LPIN1: variants seen among roughly 807,000 people sequenced by gnomAD.
LPIN1 encodes phosphatidate phosphatase LPIN1.
In LPIN1, 71 loss-of-function variants were observed where a neutral mutation model predicts 107.5. The ratio of observed to expected loss-of-function variants is 0.66; its 90% confidence interval spans 0.55 to 0.80. The LOEUF (loss-of-function observed/expected upper bound fraction) is 0.80. LPIN1 is among the 30% of genes least tolerant of loss of function. The pLI is 0.00. For synonymous variants in LPIN1, 445 were observed against 452.6 expected (o/e 0.98, Z 0.21); for missense variants, 1,043 against 1,160.6 (o/e 0.90, Z 1.47).
chr2:11,740,440 C>T (rs77124199), intron 1 of LPIN1, among the ~76,000 whole-genome samples: 5,482 of 152,036 alleles, frequency 0.036, 327 homozygotes, highest in African/African-American at 0.12. Context: ...CCGCACTTTG[C>T]GAGGTCGAAG....
chr2:11,724,501 A>G (rs1327139967), exon 1 of LPIN1: 1 of 985,492 alleles, frequency 1.0e-6, no homozygotes, highest in Non-Finnish European at 1.2e-6. Flanking sequence ...TGAGAACTAG[A>G]AAATCAGAAG....
intron 11 of LPIN1, among the ~76,000 whole-genome samples, chr2:11,787,401 T>C (rs1001579442): frequency 4.3e-5 from 6 of 140,838 alleles, no homozygotes; most frequent in African/African-American, 1.3e-4. Context: ...TCTTTTTCTT[T>C]TTTTTTTTTT....
rs184677010 is a variant in LPIN1, at chr2:11,784,077, G to C, written c.1358+155G>C. ...CCCAGCACTTTGGGAGGCTGAGGTG[G>C]GCGGATCACTTGAGGTCAGGAGTTC... On this transcript the variant is annotated intron_variant, in intron 9 of 20. Transcript: ENST00000674199. The C allele has an allele frequency of 8.3e-4, 1,074 of 1,287,664 alleles. 4 individuals are homozygous for C. The African/African-American group carries it at 0.015, about 18-fold the overall frequency. The allele number at this position is 1,287,664 out of a possible 1,614,324, so 79.8% of individuals were successfully genotyped here. A position where few individuals can be genotyped will look rare whatever the true frequency, so the allele number is the denominator to read the frequency against.
At chr2:11,778,736 A>G (rs959257659) in intron 6 of LPIN1, among the ~76,000 whole-genome samples, 1 of 152,250 alleles carries the variant, frequency 6.6e-6, no homozygotes, top group Non-Finnish European at 1.5e-5. Flanking sequence ...GCTGCTGTAA[A>G]TAATATTTCT....
At position 11,803,025 on chromosome 2, in the gene LPIN1, G is replaced by A. The variant is rs181949396; in HGVS notation, c.2005G>A (p.Glu669Lys). The A allele has an allele frequency of 1.6e-5, 25 of 1,612,428 alleles. No individual in the cohort carries two copies. In the South Asian group the frequency reaches 1.9e-4, roughly 12 times the overall value. The change falls in exon 15 of 21, where the codon GAG becomes AAG. Residue 669 changes from glutamate (E) to lysine (K), a missense_variant. Physicochemically the swap from Glu to Lys is moderately conservative, Grantham distance 56. Coordinates refer to ENST00000674199, the MANE Select transcript of LPIN1 (RefSeq NM_001349206.2). The surrounding 1 kb of genome is among the most constrained non-coding windows in gnomAD (Gnocchi z 4.2). ...SYKKTLRLTSEQLKSLKLKNG... is the reference protein window; with the variant it reads ...SYKKTLRLTSKQLKSLKLKNG... ...CAAGAAGACTCTCCGGCTGACTTCC[G>A]AGCAGCTTGTGAGTCTCCCATGCTT...
At chr2:11,726,872 G>T (rs1664717478) in intron 1 of LPIN1, among the ~76,000 whole-genome samples, 1 of 152,118 alleles carries the variant, frequency 6.6e-6, no homozygotes, top group Admixed American at 6.6e-5. Context: ...TTTGAAGCGT[G>T]CTTGTCAGTC....
At chr2:11,772,682 T>G (rs1652587650) in intron 4 of LPIN1, among the ~76,000 whole-genome samples, 1 of 152,216 alleles carries the variant, frequency 6.6e-6, no homozygotes, top group South Asian at 2.1e-4. Flanking sequence ...GTGGTGAAAT[T>G]CTGTTTGTAT....
intron 1 of LPIN1, among the ~76,000 whole-genome samples, chr2:11,706,842 T>A (rs1244906571): frequency 6.6e-5 from 10 of 152,188 alleles, no homozygotes; most frequent in African/African-American, 2.4e-4. Context: ...TTCTAGGTAA[T>A]CTGACAGGTT....
intron 1 of LPIN1, among the ~76,000 whole-genome samples, chr2:11,752,144 G>A (rs1220246243): frequency 2.0e-5 from 3 of 152,124 alleles, no homozygotes; most frequent in Non-Finnish European, 1.5e-5. Flanking sequence ...AGTTCCCAGC[G>A]GTATAGTTGC....
At chr2:11,776,901 G>T (rs1186838592) in intron 6 of LPIN1, among the ~76,000 whole-genome samples, 1 of 152,112 alleles carries the variant, frequency 6.6e-6, no homozygotes, top group East Asian at 1.9e-4. Flanking sequence ...TTGTCTTTTT[G>T]ATTAAAGATC....
chr2:11,718,764 C>T (rs905833781), intron 2 of LPIN1, among the ~76,000 whole-genome samples: 10 of 152,226 alleles, frequency 6.6e-5, no homozygotes, highest in African/African-American at 2.4e-4. Context: ...TGTTCTGAAA[C>T]TTCACACTGA....
chr2:11,730,448 G>A (rs944170690), intron 1 of LPIN1, among the ~76,000 whole-genome samples: 25 of 152,152 alleles, frequency 1.6e-4, no homozygotes, highest in Non-Finnish European at 2.8e-4. Flanking sequence ...AACGTATTAA[G>A]CATAATTTTC....
At chr2:11,778,327 G>A (rs1165618682) in intron 6 of LPIN1, among the ~76,000 whole-genome samples, 1 of 152,186 alleles carries the variant, frequency 6.6e-6, no homozygotes, top group Non-Finnish European at 1.5e-5. Flanking sequence ...GGGAGTCATG[G>A]GCACCAAGGG....
intron 1 of LPIN1, among the ~76,000 whole-genome samples, chr2:11,759,335 C>G (rs926542892): frequency 6.6e-6 from 1 of 151,816 alleles, no homozygotes; most frequent in Non-Finnish European, 1.5e-5. Flanking sequence ...TGGGGCCTTC[C>G]GCAGTGTTTG....
intron 1 of LPIN1, among the ~76,000 whole-genome samples, chr2:11,748,670 C>T (rs897866145): frequency 2.6e-5 from 4 of 152,188 alleles, no homozygotes; most frequent in African/African-American, 7.2e-5. Context: ...GACACCCCCT[C>T]CCCCTGCCTG....
intron 13 of LPIN1, among the ~76,000 whole-genome samples, chr2:11,795,173 C>T (rs767847802): frequency 2.2e-4 from 33 of 152,180 alleles, no homozygotes; most frequent in Non-Finnish European, 3.1e-4. Context: ...ATAACAGATT[C>T]GTTTCTGTCA....
chr2:11,749,878 A>T (rs1667528170), intron 1 of LPIN1, among the ~76,000 whole-genome samples: 1 of 152,242 alleles, frequency 6.6e-6, no homozygotes, highest in African/African-American at 2.4e-5. Context: ...TTCTTGCAAC[A>T]ACTTAAAATT....
intron 1 of LPIN1, among the ~76,000 whole-genome samples, chr2:11,729,203 G>A (rs1296730864): frequency 6.6e-6 from 1 of 152,150 alleles, no homozygotes; most frequent in Non-Finnish European, 1.5e-5. Context: ...TGCATGTGGG[G>A]CTTAAAACCT....
chr2:11,713,599 T>G (rs190365076), intron 1 of LPIN1, among the ~76,000 whole-genome samples: 3 of 152,302 alleles, frequency 2.0e-5, no homozygotes, highest in Non-Finnish European at 4.4e-5. Flanking sequence ...TTTAGTTTTT[T>G]TTTAATTGGC....
Sources: gnomAD v4.1 joint callset for allele counts (sites outside exome capture counted in the v4.1 genomes callset) on GRCh38, gnomAD v4.1.1 for gene constraint, Gnocchi (gnomAD v3.1) non-coding constraint, MANE v1.5 for transcripts, NCBI Gene and HGNC (gene_info 2026-07-23, HGNC 2026-07-21) for gene names.